Variants in FAF1 observed in about 807,000 individuals in gnomAD.
FAF1 encodes FAS-associated factor 1.
Under a neutral mutation model 92.5 loss-of-function variants are expected in FAF1, and 25 were observed. That is an observed-to-expected ratio of 0.27 (90% CI 0.20 to 0.38). FAF1 has a LOEUF of 0.38. Ranked by LOEUF, FAF1 falls within the 10% of genes least tolerant of loss-of-function variation. FAF1 has a pLI of 1.00. For missense variants in FAF1, 636 were observed against 793.3 expected, an observed-to-expected ratio of 0.80 and a Z score of 2.38; for synonymous variants, 234 against 273.2, an observed-to-expected ratio of 0.86 and a Z score of 1.42.
intron 15 of FAF1, among the ~76,000 whole-genome samples, chr1:50,528,606 A>C (rs1041106674): frequency 1.3e-5 from 2 of 152,222 alleles, no homozygotes; most frequent in African/African-American, 4.8e-5. Context: ...CATCTTCTAT[A>C]CTGGTACTGG....
At chr1:50,693,632 T>C (rs1035256744) in intron 7 of FAF1, among the ~76,000 whole-genome samples, 2 of 152,274 alleles carry the variant, frequency 1.3e-5, no homozygotes, top group East Asian at 3.9e-4. Flanking sequence ...TAAAATTTCT[T>C]ATTATTCATT....
intron 18 of FAF1, among the ~76,000 whole-genome samples, chr1:50,472,406 CACACACACACACACACAAA>C (rs1646586241): frequency 6.6e-6 from 1 of 150,618 alleles, no homozygotes; most frequent in Non-Finnish European, 1.5e-5. Flanking sequence ...CACACACACA[CACACACACACACACACAAA>C]CCCCAAAACC....
intron 15 of FAF1, among the ~76,000 whole-genome samples, chr1:50,517,473 G>A (rs757584062): frequency 2.6e-5 from 4 of 152,046 alleles, no homozygotes; most frequent in Non-Finnish European, 4.4e-5. Flanking sequence ...TTTACATAGT[G>A]CTTATTACAT....
intron 6 of FAF1, among the ~76,000 whole-genome samples, chr1:50,728,892 T>C (rs1658778313): frequency 6.6e-6 from 1 of 150,632 alleles, no homozygotes; most frequent in Non-Finnish European, 1.5e-5. Context: ...TTCATTTACA[T>C]CTTAGTGAGA....
At chr1:50,895,548 C>T (rs1413700093) in intron 1 of FAF1, among the ~76,000 whole-genome samples, 1 of 152,024 alleles carries the variant, frequency 6.6e-6, no homozygotes, top group Non-Finnish European at 1.5e-5. Flanking sequence ...GATAGCAAAA[C>T]CAAAGACACA....
At chr1:50,943,876 A>G (rs1645153633) in intron 1 of FAF1, among the ~76,000 whole-genome samples, 1 of 152,252 alleles carries the variant, frequency 6.6e-6, no homozygotes, top group Admixed American at 6.5e-5. Context: ...GTACATCGGA[A>G]AAGAGAGGGT....
intron 8 of FAF1, among the ~76,000 whole-genome samples, chr1:50,642,271 A>C (rs1654373200): frequency 1.3e-5 from 2 of 151,018 alleles, no homozygotes; most frequent in South Asian, 2.1e-4. Context: ...CAAATTTCTT[A>C]TGTTTAGTGT....
chr1:50,809,641 A>G (rs1041130574), intron 2 of FAF1, among the ~76,000 whole-genome samples: 15 of 152,208 alleles, frequency 9.9e-5, no homozygotes, highest in Non-Finnish European at 1.8e-4. Flanking sequence ...ACCAATGAAA[A>G]AAAGGCCAGG....
At chr1:50,938,413 T>A (rs1015689187) in intron 1 of FAF1, among the ~76,000 whole-genome samples, 1 of 152,202 alleles carries the variant, frequency 6.6e-6, no homozygotes, top group African/African-American at 2.4e-5. Context: ...TGGCTCTGTA[T>A]CCATTATTAA....
At chr1:50,954,029 A>C (rs909523180) in intron 1 of FAF1, among the ~76,000 whole-genome samples, 1 of 151,762 alleles carries the variant, frequency 6.6e-6, no homozygotes, top group Non-Finnish European at 1.5e-5. Flanking sequence ...GCTCACTGCA[A>C]GCTCTGCCTC....
chr1:50,622,269 A>G (rs1653252205), intron 8 of FAF1, among the ~76,000 whole-genome samples: 1 of 152,152 alleles, frequency 6.6e-6, no homozygotes, highest in Non-Finnish European at 1.5e-5. Context: ...CTGTGGCAAG[A>G]GTGAGCTATC....
At chr1:50,507,731 T>G (rs758635573) in intron 15 of FAF1, among the ~76,000 whole-genome samples, 27 of 152,136 alleles carry the variant, frequency 1.8e-4, no homozygotes, top group Non-Finnish European at 8.8e-5. Flanking sequence ...AGAAAAAAGG[T>G]AAGAACTTGT....
At chr1:50,765,015 T>G (rs1660511829) in intron 4 of FAF1, among the ~76,000 whole-genome samples, 1 of 152,226 alleles carries the variant, frequency 6.6e-6, no homozygotes, top group Admixed American at 6.5e-5. Context: ...CAATTTATCT[T>G]ACAGATTAAT....
At chr1:50,622,909 TTA>T (rs1187988225) in intron 8 of FAF1, among the ~76,000 whole-genome samples, 1 of 152,174 alleles carries the variant, frequency 6.6e-6, no homozygotes, top group Non-Finnish European at 1.5e-5. Flanking sequence ...GAAGTTTCTT[TTA>T]GATTCTACCC....
intron 7 of FAF1, among the ~76,000 whole-genome samples, chr1:50,697,971 A>C (rs919013849): frequency 6.6e-6 from 1 of 152,194 alleles, no homozygotes; most frequent in Admixed American, 6.5e-5. Context: ...AGACAAAAGA[A>C]AAATTACCAT....
intron 18 of FAF1, among the ~76,000 whole-genome samples, chr1:50,448,441 T>C (rs935764531): frequency 6.6e-6 from 1 of 152,170 alleles, no homozygotes; most frequent in Non-Finnish European, 1.5e-5. Context: ...TTGGGGGAAG[T>C]ATTTATTTCA....
chr1:50,584,498 A>G (rs1651132784), intron 10 of FAF1, among the ~76,000 whole-genome samples, 187 bp downstream of exon 10: 1 of 152,186 alleles, frequency 6.6e-6, no homozygotes. Flanking sequence ...ATGCACTGAG[A>G]ATTTTTGAGT....
chr1:50,858,016 A>G lies in FAF1; in HGVS notation c.46-19T>C, dbSNP rs770105593. The G allele has an allele frequency of 6.4e-7, 1 of 1,556,312 alleles. No individual in the cohort carries two copies. Among genetic ancestry groups the G allele is most frequent in the South Asian group, 1.2e-5 (1 of 84,368 alleles). ...TACATGCCTGGAAAGAAAGTAAATA[A>G]GCATTTTACATATAATTTTAGAAAT... On this transcript the variant is annotated intron_variant, in intron 1 of 18. Coordinates refer to ENST00000396153, the MANE Select transcript of FAF1 (RefSeq NM_007051.3).
chr1:50,630,038 C>A (rs1438203455), intron 8 of FAF1, among the ~76,000 whole-genome samples: 4 of 150,864 alleles, frequency 2.7e-5, no homozygotes, highest in Admixed American at 2.0e-4. Flanking sequence ...AGCCTGGCGA[C>A]AGAGCGAGCC....
Sources: allele counts gnomAD v4.1 joint callset (sites outside exome capture counted in the v4.1 genomes callset), GRCh38; gene constraint gnomAD v4.1.1; transcripts MANE v1.5; gene names NCBI Gene and HGNC (gene_info 2026-07-23, HGNC 2026-07-21).